EBF2: variants seen among roughly 807,000 people sequenced by gnomAD.
EBF2 encodes the protein transcription factor COE2.
In EBF2, 21 loss-of-function variants were observed where a neutral mutation model predicts 72.8. The observed-to-expected ratio is 0.29, with a 90% CI of 0.20 to 0.42. The LOEUF is 0.42. Among genes scored for constraint, EBF2 ranks in the 10% least tolerant of loss-of-function variants. EBF2 has a pLI of 1.00. For synonymous variants in EBF2, 299 were observed against 274.2 expected, an observed-to-expected ratio of 1.09 and a Z score of -0.89; for missense variants, 637 against 731.2, an observed-to-expected ratio of 0.87 and a Z score of 1.49.
chr8:26,010,556 C>A (rs1804961804), intron 6 of EBF2, among the ~76,000 whole-genome samples: 1 of 152,110 alleles, frequency 6.6e-6, no homozygotes, highest in South Asian at 2.1e-4. Flanking sequence ...CAGAAAATAC[C>A]CAGCGACGCG....
chr8:25,943,189 A>C (rs1703050480), intron 6 of EBF2, among the ~76,000 whole-genome samples: 1 of 151,926 alleles, frequency 6.6e-6, no homozygotes, highest in African/African-American at 2.4e-5. Context: ...AAACAAGGCC[A>C]GGCGGGATGG....
chr8:26,010,172 T>C (rs1804953331), intron 6 of EBF2, among the ~76,000 whole-genome samples: 1 of 152,218 alleles, frequency 6.6e-6, no homozygotes, highest in Admixed American at 6.5e-5. Flanking sequence ...GGAAACCCAA[T>C]ATTAGCATTG....
intron 6 of EBF2, among the ~76,000 whole-genome samples, chr8:26,001,551 C>T (rs1346327250): frequency 2.0e-5 from 3 of 148,108 alleles, no homozygotes; most frequent in Non-Finnish European, 4.5e-5. Context: ...AGTTTATTTG[C>T]TTTTTTTTTT....
At chr8:25,957,331 T>C (rs1456439374) in intron 6 of EBF2, among the ~76,000 whole-genome samples, 1 of 152,234 alleles carries the variant, frequency 6.6e-6, no homozygotes, top group East Asian at 1.9e-4. Flanking sequence ...ACAAAGGCTC[T>C]AAAATACACT....
chr8:25,879,823 C>T (rs1312624718), intron 10 of EBF2, among the ~76,000 whole-genome samples: 1 of 152,140 alleles, frequency 6.6e-6, no homozygotes, highest in Non-Finnish European at 1.5e-5. Flanking sequence ...CTTAGAAAGT[C>T]TCCATTGTCT....
Position 25,847,299 on chromosome 8 carries a change from C to T in EBF2, c.1697-2659G>A, listed in dbSNP as rs1801860226. On this transcript the variant is annotated intron_variant, in intron 15 of 15. Coordinates refer to ENST00000520164, the MANE Select transcript of EBF2 (RefSeq NM_022659.4). Reference sequence around the variant, plus strand: ...CAGGCACTCAGCCCACATTGTCACCCTCCCACTGTGTATCTCTAAAAAGAT... The same window carrying T: ...CAGGCACTCAGCCCACATTGTCACCTTCCCACTGTGTATCTCTAAAAAGAT... Among the ~76,000 whole-genome samples the T allele has an allele frequency of 2.0e-5, 3 of 152,184 alleles. No individual in the cohort carries two copies. The South Asian group carries it at 6.2e-4, about 32-fold the overall frequency.
intron 10 of EBF2, among the ~76,000 whole-genome samples, chr8:25,885,403 T>G (rs1802672809): frequency 6.6e-6 from 1 of 152,182 alleles, no homozygotes; most frequent in Non-Finnish European, 1.5e-5. Flanking sequence ...AATCCCCAAT[T>G]TCTCCTCCCT....
In EBF2 at chr8:25,972,767, A is replaced by G. The variant is rs564939155; in HGVS notation, c.551+60318T>C. The stretch of plus-strand genomic sequence containing the variant: ...GGCGATGGTGGCCGAGTGGGCCACG[A>G]TGTGTAAAATCACAGGCAATATAAG... On this transcript the variant is annotated intron_variant, in intron 6 of 15. Transcript: ENST00000520164. 4.6e-5 allele frequency among the ~76,000 whole-genome samples: 7 copies of G among 151,874 alleles called. No individual in the cohort carries two copies. The East Asian group carries it at 1.4e-3, about 30-fold the overall frequency.
intron 15 of EBF2, 50 bp from the exon 16 acceptor site, chr8:25,844,690 C>A: frequency 6.2e-7 from 1 of 1,609,140 alleles, no homozygotes; most frequent in South Asian, 1.1e-5. Flanking sequence ...TTTTTATGTT[C>A]AAGGCTATGA....
chr8:25,954,097 T>G (rs1004878964), intron 6 of EBF2, among the ~76,000 whole-genome samples: 2 of 152,224 alleles, frequency 1.3e-5, no homozygotes, highest in African/African-American at 4.8e-5. Flanking sequence ...AAATAATCTA[T>G]CATGCTAGCA....
At chr8:25,914,172 C>T (rs1226042980) in intron 6 of EBF2, among the ~76,000 whole-genome samples, 1 of 152,172 alleles carries the variant, frequency 6.6e-6, no homozygotes, top group East Asian at 1.9e-4. Context: ...GAGAATGGCC[C>T]TCATAGCAAC....
intron 7 of EBF2, among the ~76,000 whole-genome samples, chr8:25,902,589 T>C (rs1047667949): frequency 6.6e-6 from 1 of 152,188 alleles, no homozygotes; most frequent in Non-Finnish European, 1.5e-5. Context: ...ATGCTAGACA[T>C]TGGCAATACA....
At chr8:25,984,822 TAC>T (rs1166945125) in intron 6 of EBF2, among the ~76,000 whole-genome samples, 2 of 151,976 alleles carry the variant, frequency 1.3e-5, no homozygotes, top group Non-Finnish European at 2.9e-5. Context: ...TTGAGATTTT[TAC>T]AGAGTGAGAT....
chr8:25,988,910 G>A (rs565818500), intron 6 of EBF2, among the ~76,000 whole-genome samples: 6 of 152,212 alleles, frequency 3.9e-5, no homozygotes, highest in African/African-American at 9.6e-5. Flanking sequence ...AACTATGTTC[G>A]TTCTGCAAAA....
intron 6 of EBF2, among the ~76,000 whole-genome samples, chr8:25,979,396 C>T (rs1220788602): frequency 6.6e-6 from 1 of 152,184 alleles, no homozygotes; most frequent in African/African-American, 2.4e-5. Context: ...TCATGCCACA[C>T]GGCATTCGGA....
At chr8:25,998,302 G>A (rs575512817) in intron 6 of EBF2, among the ~76,000 whole-genome samples, 10 of 152,268 alleles carry the variant, frequency 6.6e-5, no homozygotes, top group African/African-American at 2.2e-4. Context: ...GGTGGTTCAA[G>A]CAATAGGTGT....
At chr8:25,951,831 G>A (rs1803867057) in intron 6 of EBF2, among the ~76,000 whole-genome samples, 2 of 152,180 alleles carry the variant, frequency 1.3e-5, no homozygotes, top group Admixed American at 1.3e-4. Flanking sequence ...CTTCAAGACT[G>A]TATGCTAAGA....
rs375222491 is a variant in EBF2, at chr8:25,861,157, G to A, written c.1234C>T (p.Leu412Phe). The change falls in exon 13 of 16, where the codon CTT becomes TTT. Residue 412 changes from leucine to phenylalanine, a missense_variant. By Grantham distance (22) the Leu-to-Phe change is conservative. Transcript: ENST00000520164. The part of the protein sequence containing the change: ...LYSVPRNPSQ[L>F]PALSSSPAHS... ...GCTGGGGAGCTAGAGAGGGCTGGAA[G>A]CTGGCTGGGATTCCTGGGGACGCTG... 2.4e-5 allele frequency: 39 copies of A among 1,614,042 alleles called. No individual in the cohort carries two copies. Among genetic ancestry groups the A allele is most frequent in the Non-Finnish European group, 3.3e-5 (39 of 1,180,020 alleles).
intron 7 of EBF2, among the ~76,000 whole-genome samples, chr8:25,906,637 T>G (rs1363429702): frequency 2.0e-5 from 3 of 151,964 alleles, no homozygotes; most frequent in African/African-American, 4.8e-5. Flanking sequence ...CGTGGTGGCA[T>G]GTGCCTGTAG....
Sources: allele counts gnomAD v4.1 joint callset (sites outside exome capture counted in the v4.1 genomes callset), GRCh38; gene constraint gnomAD v4.1.1; transcripts MANE v1.5; gene names NCBI Gene and HGNC (gene_info 2026-07-23, HGNC 2026-07-21).